Variants in RAB7A observed in about 807,000 individuals in gnomAD.
RAB7A encodes the protein RAB7A, member RAS oncogene family, also known as ras-related protein Rab-7a.
RAB7A carries 2 observed loss-of-function variants against 24.5 expected under a neutral mutation model. The observed-to-expected ratio is 0.08, with a 90% confidence interval of 0.03 to 0.26. The LOEUF is 0.26. Among genes scored for constraint, RAB7A ranks in the 10% least tolerant of loss-of-function variants. The pLI, the probability that RAB7A is intolerant of heterozygous loss-of-function variation, is 1.00. For synonymous variants in RAB7A, 100 were observed against 95.9 expected (o/e 1.04, Z -0.25); for missense variants, 118 against 255.7 (o/e 0.46, Z 3.67).
intron 5 of RAB7A, among the ~76,000 whole-genome samples, chr3:128,811,315 C>T (rs1158625982): frequency 6.6e-6 from 1 of 152,150 alleles, no homozygotes; most frequent in South Asian, 2.1e-4. Context: ...CTTTGCCTTT[C>T]ACAGTAAACA....
intron 1 of RAB7A, among the ~76,000 whole-genome samples, chr3:128,758,295 CAG>C (rs1159370387): frequency 7.6e-6 from 1 of 131,736 alleles, no homozygotes; most frequent in African/African-American, 3.0e-5. Context: ...TTTTTTGAGA[CAG>C]AGTCTGGCTC....
At chr3:128,752,439 TA>T (rs919078509) in intron 1 of RAB7A, among the ~76,000 whole-genome samples, 42 of 147,714 alleles carry the variant, frequency 2.8e-4, no homozygotes, top group African/African-American at 5.5e-4. Flanking sequence ...AAAAAGGAAA[TA>T]AAAAAATGAC....
chr3:128,739,808 G>C (rs566805941), intron 1 of RAB7A, among the ~76,000 whole-genome samples: 4 of 152,170 alleles, frequency 2.6e-5, no homozygotes, highest in African/African-American at 9.7e-5. Context: ...AGTGGTTCAC[G>C]CCTGTAATCC....
At chr3:128,802,352 C>T (rs1362461671) in intron 3 of RAB7A, among the ~76,000 whole-genome samples, 1 of 152,010 alleles carries the variant, frequency 6.6e-6, no homozygotes, top group Non-Finnish European at 1.5e-5. Context: ...TTCCAGGGAA[C>T]AGTTTATTGT....
chr3:128,762,096 G>A (rs757515288), intron 1 of RAB7A, among the ~76,000 whole-genome samples: 6 of 152,130 alleles, frequency 3.9e-5, no homozygotes, highest in Non-Finnish European at 8.8e-5. Context: ...GGTGAAAATG[G>A]TAATTGTTTT....
intron 3 of RAB7A, among the ~76,000 whole-genome samples, chr3:128,805,439 G>A (rs963779581): frequency 6.6e-6 from 1 of 152,132 alleles, no homozygotes; most frequent in Admixed American, 6.6e-5. Context: ...AGGGCAGTAA[G>A]TATACCCAGC....
intron 3 of RAB7A, among the ~76,000 whole-genome samples, chr3:128,805,494 A>G (rs1933785080): frequency 6.6e-6 from 1 of 152,188 alleles, no homozygotes; most frequent in Non-Finnish European, 1.5e-5. Context: ...TGACCAGCTT[A>G]GAGCTGGGCG....
chr3:128,745,326 C>T (rs1362768813), intron 1 of RAB7A, among the ~76,000 whole-genome samples: 1 of 151,996 alleles, frequency 6.6e-6, no homozygotes, highest in Non-Finnish European at 1.5e-5. Context: ...TTCAGTTGTA[C>T]TGTAAAATTT....
intron 3 of RAB7A, chr3:128,798,784 C>T: frequency 9.8e-6 from 2 of 204,996 alleles, no homozygotes; most frequent in Non-Finnish European, 1.9e-5. Flanking sequence ...CATTATACTC[C>T]AGCCTGGGTG....
intron 1 of RAB7A, among the ~76,000 whole-genome samples, chr3:128,780,250 A>T (rs1933189940): frequency 6.6e-6 from 1 of 152,232 alleles, no homozygotes; most frequent in Admixed American, 6.5e-5. Context: ...GTGGGGATGC[A>T]AAAAGTCAGA....
At chr3:128,764,685 C>A (rs1262366358) in intron 1 of RAB7A, 2 of 842,378 alleles carry the variant, frequency 2.4e-6, no homozygotes, top group Non-Finnish European at 4.1e-6. Context: ...GTGACTGATT[C>A]ACATTTTTTT....
intron 1 of RAB7A, among the ~76,000 whole-genome samples, chr3:128,769,541 AGATATGT>A (rs1432633063): frequency 6.6e-6 from 1 of 152,062 alleles, no homozygotes; most frequent in Non-Finnish European, 1.5e-5. Flanking sequence ...TCTTTTTGTC[AGATATGT>A]GATTTCCAAA....
At chr3:128,793,228 A>AT (rs1933498334) in intron 1 of RAB7A, among the ~76,000 whole-genome samples, 1 of 151,492 alleles carries the variant, frequency 6.6e-6, no homozygotes, top group Non-Finnish European at 1.5e-5. Flanking sequence ...TCACCGTGTT[A>AT]GCCAGGCTGG....
chr3:128,776,524 A>G (rs575252669), intron 1 of RAB7A, among the ~76,000 whole-genome samples: 8 of 152,200 alleles, frequency 5.3e-5, no homozygotes, highest in South Asian at 4.1e-4. Context: ...GGCTCAAGCA[A>G]TCCTTCTGTC....
chr3:128,798,312 C>A lies in RAB7A; in HGVS notation c.180+243C>A, dbSNP rs1576300089. Reference sequence around the variant, plus strand: ...CTAAAAAATTCTTCTTAAAAAAAAACTCAGATTTATCCTTTCTTGTTTTTT... The same window carrying A: ...CTAAAAAATTCTTCTTAAAAAAAAAATCAGATTTATCCTTTCTTGTTTTTT... On this transcript the variant is annotated intron_variant, in intron 3 of 5. Coordinates refer to ENST00000265062, the MANE Select transcript of RAB7A (RefSeq NM_004637.6). 9 of 445,914 alleles carry A rather than the reference C, an allele frequency of 2.0e-5. No homozygotes were observed. In the East Asian group the frequency reaches 4.4e-4, roughly 22 times the overall value. 27.6% of individuals were successfully genotyped at this position (445,914 alleles called of 1,614,324 possible).
chr3:128,780,651 A>C (rs921757155), intron 1 of RAB7A, among the ~76,000 whole-genome samples: 11 of 152,194 alleles, frequency 7.2e-5, no homozygotes. Context: ...ATGGTCAGTG[A>C]CTACTGCTTC....
At chr3:128,769,327 T>A (rs2070863168) in intron 1 of RAB7A, among the ~76,000 whole-genome samples, 1 of 152,192 alleles carries the variant, frequency 6.6e-6, no homozygotes, top group Non-Finnish European at 1.5e-5. Context: ...ATTTAAAAAA[T>A]TTTTAGCCTT....
Position 128,795,342 on chromosome 3 carries a change from C to A in RAB7A, c.-8-18C>A, listed in dbSNP as rs1933543616. 1 of 1,603,314 alleles carries A rather than the reference C, an allele frequency of 6.2e-7. No individual in the cohort carries two copies. The highest frequency in any genetic ancestry group is 2.2e-5 in the East Asian group (1 of 44,830). On this transcript the variant is annotated intron_variant, in intron 1 of 5. Transcript: ENST00000265062. ...GTTTCCATCACACTCACAGTGATTT[C>A]TCCTTTTCCCCCTTTAGTTTGAAGG...
At chr3:128,758,577 C>G (rs1446702544) in intron 1 of RAB7A, among the ~76,000 whole-genome samples, 1 of 152,074 alleles carries the variant, frequency 6.6e-6, no homozygotes, top group African/African-American at 2.4e-5. Context: ...GCCCAGCCTC[C>G]TGCGTTTGGT....
Sources: gnomAD v4.1 joint callset for allele counts (sites outside exome capture counted in the v4.1 genomes callset) on GRCh38, gnomAD v4.1.1 for gene constraint, MANE v1.5 for transcripts, NCBI Gene and HGNC (gene_info 2026-07-23, HGNC 2026-07-21) for gene names.